Variants in MGAT5 observed in about 807,000 individuals in gnomAD.
MGAT5 encodes the protein alpha-1,6-mannosylglycoprotein 6-beta-N-acetylglucosaminyltransferase A.
MGAT5 carries 30 observed loss-of-function variants against 94.3 expected under a neutral mutation model. The ratio of observed to expected loss-of-function variants is 0.32; its 90% CI spans 0.24 to 0.43. The LOEUF (loss-of-function observed/expected upper bound fraction) is 0.43. MGAT5 is among the 20% of genes least tolerant of loss of function. MGAT5 has a pLI of 1.00. For synonymous variants in MGAT5, 310 were observed against 322.9 expected (o/e 0.96, Z 0.43); for missense variants, 691 against 905.5 (o/e 0.76, Z 3.04).
chr2:134,280,180 C>T (rs1356507275), intron 2 of MGAT5, among the ~76,000 whole-genome samples: 1 of 152,134 alleles, frequency 6.6e-6, no homozygotes, highest in East Asian at 1.9e-4. Flanking sequence ...GGAGAGAAAG[C>T]AATGCGGGGT....
intron 7 of MGAT5, among the ~76,000 whole-genome samples, chr2:134,344,112 C>T (rs1381439315): frequency 6.6e-6 from 1 of 152,076 alleles, no homozygotes. Flanking sequence ...TGGGGTGTTG[C>T]AGATAAGCAA....
At chr2:134,128,574 T>G (rs1685968970) in intron 1 of MGAT5, among the ~76,000 whole-genome samples, 1 of 152,178 alleles carries the variant, frequency 6.6e-6, no homozygotes, top group South Asian at 2.1e-4. Flanking sequence ...TCTTTTTTTT[T>G]TAGAGACAGG....
rs569952933 is a variant in MGAT5 at position 134,450,848 on chromosome 2, C to A, written c.*2001C>A. 2.7e-5 allele frequency: 4 copies of A among 149,612 alleles called. No individual in the cohort carries two copies. The highest frequency in any genetic ancestry group is 2.7e-4 in the Admixed American group (4 of 14,966). The allele number at this position is 149,612 out of a possible 1,614,324, so 9.3% of individuals were successfully genotyped here. A position where few individuals can be genotyped will look rare whatever the true frequency, so the allele number is the denominator to read the frequency against. ...TGTGTGTGTATGAGCCTGTGCATTT[C>A]TTTTAAGCAAGGGCAGTTTCCTGCA... On this transcript the variant is annotated 3_prime_UTR_variant, in exon 16 of 16. Coordinates refer to ENST00000281923, the MANE Select transcript of MGAT5 (RefSeq NM_002410.5).
At chr2:134,202,789 G>A (rs949974022) in intron 1 of MGAT5, among the ~76,000 whole-genome samples, 4 of 152,180 alleles carry the variant, frequency 2.6e-5, no homozygotes, top group South Asian at 2.1e-4. Context: ...TATCTTTACC[G>A]TGCAGAATGC....
chr2:134,224,162 T>G (rs1280991418), intron 1 of MGAT5, among the ~76,000 whole-genome samples: 1 of 152,220 alleles, frequency 6.6e-6, no homozygotes, highest in African/African-American at 2.4e-5. Flanking sequence ...GTTGTGGGTT[T>G]GTCTTGACAT....
chr2:134,225,922 G>A (rs914997388), intron 1 of MGAT5, among the ~76,000 whole-genome samples: 6 of 152,206 alleles, frequency 3.9e-5, no homozygotes, highest in African/African-American at 1.2e-4. Context: ...AGAGCTTTAC[G>A]AGACTTTTGA....
At position 134,452,625 on chromosome 2, in the gene MGAT5, T is replaced by G. The variant is rs1474008104; in HGVS notation, c.*3778T>G. On this transcript the variant is annotated 3_prime_UTR_variant, in exon 16 of 16. Coordinates refer to ENST00000281923, the MANE Select transcript of MGAT5 (RefSeq NM_002410.5). ...GGCCACCCCATTTCTCCAAGGTGGT[T>G]TACCTAGCTTGTGTATATTAGACAT... 3 of 152,148 alleles carry G rather than the reference T, an allele frequency of 2.0e-5. No homozygotes were observed. Among genetic ancestry groups the G allele is most frequent in the Non-Finnish European group, 4.4e-5 (3 of 68,028 alleles). 9.4% of individuals were successfully genotyped at this position (152,148 alleles called of 1,614,324 possible). A position where few individuals can be genotyped will look rare whatever the true frequency, so the allele number is the denominator to read the frequency against.
chr2:134,123,468 T>A (rs1217573552), intron 1 of MGAT5, among the ~76,000 whole-genome samples: 1 of 152,224 alleles, frequency 6.6e-6, no homozygotes, highest in Non-Finnish European at 1.5e-5. Flanking sequence ...CCCAGGGTCA[T>A]ACAGACAGGT....
intron 10 of MGAT5, among the ~76,000 whole-genome samples, chr2:134,397,901 T>TACAGTA (rs1682811142): frequency 1.3e-5 from 2 of 152,342 alleles, no homozygotes; most frequent in South Asian, 4.1e-4. Flanking sequence ...TTATAGGAGT[T>TACAGTA]ACGTTACAGT....
At position 134,451,685 on chromosome 2, in the gene MGAT5, C is replaced by G. The variant is rs1264471646; in HGVS notation, c.*2838C>G. 6.6e-6 allele frequency: 1 copy of G among 152,196 alleles called. No homozygotes were observed. The highest frequency in any genetic ancestry group is 1.5e-5 in the Non-Finnish European group (1 of 68,028). 9.4% of individuals were successfully genotyped at this position (152,196 alleles called of 1,614,324 possible). ...TTAATGTTTTTCCCCGCTATAATAT[C>G]TTGCCTGTTTTTTTGGATTATTTTC... On this transcript the variant is annotated 3_prime_UTR_variant, in exon 16 of 16. Transcript: ENST00000281923.
chr2:134,291,850 C>T (rs1436306166), intron 2 of MGAT5, among the ~76,000 whole-genome samples: 1 of 152,160 alleles, frequency 6.6e-6, no homozygotes, highest in African/African-American at 2.4e-5. Context: ...TGATGTTTTA[C>T]ATTTGGTGAT....
chr2:134,295,113 G>C (rs1317069028), intron 2 of MGAT5, among the ~76,000 whole-genome samples: 1 of 152,132 alleles, frequency 6.6e-6, no homozygotes. Context: ...TTTCTTTATT[G>C]CACCGAGGAA....
At chr2:134,122,687 A>G (rs1303866187) in intron 1 of MGAT5, among the ~76,000 whole-genome samples, 1 of 152,054 alleles carries the variant, frequency 6.6e-6, no homozygotes, top group Non-Finnish European at 1.5e-5. Context: ...TTTTTCTTTC[A>G]TCTCCTCCTT....
At chr2:134,385,497 C>T (rs916040128) in intron 10 of MGAT5, among the ~76,000 whole-genome samples, 1 of 152,178 alleles carries the variant, frequency 6.6e-6, no homozygotes, top group South Asian at 2.1e-4. Flanking sequence ...GTCACTTAAT[C>T]CTTCTTGTGC....
chr2:134,330,581 G>GTGTGTGTGTGTGTA (rs56795876), intron 4 of MGAT5, among the ~76,000 whole-genome samples: 36 of 137,082 alleles, frequency 2.6e-4, no homozygotes, highest in Admixed American at 4.4e-4. Flanking sequence ...GTGTGTGTGT[G>GTGTGTGTGTGTGTA]TGTTACGAAG....
chr2:134,309,576 G>A (rs571606182), intron 2 of MGAT5, among the ~76,000 whole-genome samples: 4 of 152,100 alleles, frequency 2.6e-5, no homozygotes, highest in Non-Finnish European at 5.9e-5. Context: ...GATAAGCTCT[G>A]CCTACTTTTG....
intron 1 of MGAT5, among the ~76,000 whole-genome samples, chr2:134,161,995 A>T (rs1042480067): frequency 1.3e-5 from 2 of 151,816 alleles, no homozygotes; most frequent in African/African-American, 4.8e-5. Flanking sequence ...GTTTGAGACC[A>T]GCCTGGCCAA....
intron 1 of MGAT5, among the ~76,000 whole-genome samples, chr2:134,238,063 T>A (rs1013128156): frequency 6.6e-6 from 1 of 152,118 alleles, no homozygotes; most frequent in Non-Finnish European, 1.5e-5. Flanking sequence ...TTTTTTCTTT[T>A]TCTAGACTTG....
At chr2:134,156,576 GA>G (rs1185361129) in intron 1 of MGAT5, among the ~76,000 whole-genome samples, 1 of 152,206 alleles carries the variant, frequency 6.6e-6, no homozygotes, top group African/African-American at 2.4e-5. Context: ...GCTAAATTTA[GA>G]GTAGTTGGTG....
Sources: gnomAD v4.1 joint callset for allele counts (sites outside exome capture counted in the v4.1 genomes callset) on GRCh38, gnomAD v4.1.1 for gene constraint, MANE v1.5 for transcripts, NCBI Gene and HGNC (gene_info 2026-07-23, HGNC 2026-07-21) for gene names.